Variants in MAD2L2 observed in about 807,000 individuals in gnomAD.
MAD2L2 encodes mitotic arrest deficient 2 like 2.
In MAD2L2, 17 loss-of-function variants were observed where a neutral mutation model predicts 30.5. The observed-to-expected ratio is 0.56, with a 90% confidence interval of 0.38 to 0.84. MAD2L2 has a LOEUF of 0.84. Among genes scored for constraint, MAD2L2 ranks in the 40% least tolerant of loss-of-function variants. The pLI is 0.00. For missense variants in MAD2L2, 213 were observed against 277.4 expected (o/e 0.77, Z 1.65); for synonymous variants, 101 against 113.9 (o/e 0.89, Z 0.72).
rs57223755 is a variant in MAD2L2, at chr1:11,690,929, AGTGTGT to A, written c.-692+478_-692+483del. Reference sequence around the variant, plus strand: ...CGTGGCGAGAGCCGCGCCGCGTGTGAGTGTGTGTGTGTGTGTGTTTGTGTGTGTGTG... The same window carrying A: ...CGTGGCGAGAGCCGCGCCGCGTGTGAGTGTGTGTGTGTTTGTGTGTGTGTG... On this transcript the variant is annotated intron_variant, in intron 1 of 10. Coordinates refer to the MAD2L2 transcript ENST00000235310. The surrounding 1 kb of genome is among the most constrained non-coding windows in gnomAD (Gnocchi z 4.2). Among the ~76,000 whole-genome samples, 2 of 150,550 alleles carry A rather than the reference AGTGTGT, an allele frequency of 1.3e-5. No individual in the cohort carries two copies. Among genetic ancestry groups the A allele is most frequent in the Non-Finnish European group, 3.0e-5 (2 of 67,554 alleles).
At chr1:11,684,174 GGGGGCA>G (rs1557681516), upstream of MAD2L2, among the ~76,000 whole-genome samples, 1 of 152,092 alleles carries the variant, frequency 6.6e-6, no homozygotes, top group Non-Finnish European at 1.5e-5. Context: ...CCATGGGGGC[GGGGGCA>G]GGGGCAGGGG....
chr1:11,680,662 C>T (rs1640858448), intron 1 of MAD2L2, 49 bp from the exon 2 acceptor site: 1 of 1,508,500 alleles, frequency 6.6e-7, no homozygotes, highest in Non-Finnish European at 8.9e-7. Context: ...CCCAGGAGCC[C>T]AGAACCCGCT....
chr1:11,676,681 G>A (rs1262478018), intron 5 of MAD2L2, 167 bp downstream of exon 5: 2 of 651,538 alleles, frequency 3.1e-6, no homozygotes, highest in Non-Finnish European at 5.5e-6. Flanking sequence ...CATCTCTCTG[G>A]ACCCATCTCA....
At chr1:11,675,559 G>A (rs1292295264) in intron 7 of MAD2L2, 99 bp downstream of exon 7, 18 of 1,175,324 alleles carry the variant, frequency 1.5e-5, no homozygotes, top group Non-Finnish European at 2.3e-5. Flanking sequence ...CCACACCAAT[G>A]TAATGGGTGG....
At chr1:11,686,515 T>C (rs1208714395) in intron 1 of MAD2L2, among the ~76,000 whole-genome samples, 1 of 152,170 alleles carries the variant, frequency 6.6e-6, no homozygotes, top group East Asian at 1.9e-4. Flanking sequence ...GAGTTCCTGC[T>C]TCAGCCTCCC....
rs577087791 is a variant in MAD2L2 at position 11,688,776 on chromosome 1, A to G, written c.-692+2637T>C. Reference sequence around the variant, plus strand: ...TGCTGGGCCATATTCCCAGATGGCTAAGGCATTCTAAGTCACAGTATGAGA... The same window carrying G: ...TGCTGGGCCATATTCCCAGATGGCTGAGGCATTCTAAGTCACAGTATGAGA... On this transcript the variant is annotated intron_variant, in intron 1 of 10. Transcript: ENST00000235310. The surrounding 1 kb of genome is among the most constrained non-coding windows in gnomAD (Gnocchi z 4.6). Among the ~76,000 whole-genome samples the G allele has an allele frequency of 6.6e-6, 1 of 152,258 alleles. No homozygotes were observed. Among genetic ancestry groups the G allele is most frequent in the African/African-American group, 2.4e-5 (1 of 41,538 alleles).
chr1:11,678,225 G>A (rs886968458), intron 3 of MAD2L2, among the ~76,000 whole-genome samples: 3 of 152,012 alleles, frequency 2.0e-5, no homozygotes, highest in Non-Finnish European at 2.9e-5. Context: ...GACCAGCCTG[G>A]CCAAAATGGC....
Position 11,677,602 on chromosome 1 carries a change from G to A in MAD2L2, c.172C>T (p.Pro58Ser). ...TCCTGGATATACTGATTCAGCTCCG[G>A]GTGGCAGGACATCTGCACACAATAC... is the stretch of plus-strand genomic sequence containing the variant. ...YNVPVQMSCH[P>S]ELNQYIQDTL... is the part of the protein sequence containing the mutation. The change falls in exon 4 of 9, where the codon CCG (proline) becomes TCG (serine). Residue 58 changes from proline (P) to serine (S), a missense_variant. By Grantham distance (74) the Pro-to-Ser change is moderately conservative. Coordinates refer to ENST00000376692, the MANE Select transcript of MAD2L2 (RefSeq NM_006341.4). The A allele has an allele frequency of 6.2e-7, 1 of 1,613,152 alleles. No homozygotes were observed. The highest frequency in any genetic ancestry group is 1.1e-5 in the South Asian group (1 of 91,066).
chr1:11,680,943 T>TG (rs1640865871), intron 1 of MAD2L2, 96 bp downstream of exon 1: 1 of 301,306 alleles, frequency 3.3e-6, no homozygotes, highest in South Asian at 1.2e-4. Context: ...AAGCGGGACA[T>TG]GCGGAAAGCG....
At position 11,689,488 on chromosome 1, in the gene MAD2L2, C is replaced by T. The variant is rs180918459; in HGVS notation, c.-692+1925G>A. Reference sequence around the variant, plus strand: ...GTGTGCACCTGTAATCCCAGCTACTCGGGAGGCTGAGGCAGGAGAATTGCT... The same window carrying T: ...GTGTGCACCTGTAATCCCAGCTACTTGGGAGGCTGAGGCAGGAGAATTGCT... On this transcript the variant is annotated intron_variant, in intron 1 of 10. Transcript: ENST00000235310. 4.2e-3 allele frequency among the ~76,000 whole-genome samples: 636 copies of T among 151,570 alleles called. 5 individuals are homozygous for T. The highest frequency in any genetic ancestry group is 0.014 in the African/African-American group (578 of 41,294).
upstream of MAD2L2, chr1:11,681,891 G>C (rs1451825673): frequency 2.0e-5 from 3 of 152,176 alleles, no homozygotes; most frequent in Non-Finnish European, 4.4e-5. Context: ...ACCTGCCCGA[G>C]TCTCCCAGCT....
chr1:11,687,909 C>T lies in MAD2L2; in HGVS notation c.-692+3504G>A, dbSNP rs914672711. 1.3e-5 allele frequency among the ~76,000 whole-genome samples: 2 copies of T among 152,192 alleles called. No individual in the cohort carries two copies. Among genetic ancestry groups the T allele is most frequent in the African/African-American group, 2.4e-5 (1 of 41,442 alleles). ...GCCTGCTTTGGCCCCTCAAGTACCT[C>T]ATTTTACAGACAAGGAAACTGAGGC... is the stretch of plus-strand genomic sequence containing the variant. On this transcript the variant is annotated intron_variant, in intron 1 of 10. Transcript: ENST00000235310. This position sits in a 1 kb window ranked among gnomAD's most constrained non-coding sequence, Gnocchi z 4.1.
chr1:11,677,313 C>A lies in MAD2L2; in HGVS notation c.231+230G>T, dbSNP rs28924109. 1.1e-3 allele frequency: 633 copies of A among 598,840 alleles called. 1 individual carries two copies. In the African/African-American group the frequency reaches 0.011, roughly 10 times the overall value. 37.1% of individuals were successfully genotyped at this position (598,840 alleles called of 1,614,324 possible). ...TGGGGCAGCCCCTACTTAGAGCCAG[C>A]TCCAACCCGGGCTCCCAGGCCCAAG... On this transcript the variant is annotated intron_variant, in intron 4 of 8. Transcript: ENST00000376692.
At chr1:11,679,985 GTTTTTTTTTTT>G (rs70983583) in intron 3 of MAD2L2, among the ~76,000 whole-genome samples, 13 of 87,624 alleles carry the variant, frequency 1.5e-4, no homozygotes, top group East Asian at 8.4e-4. Flanking sequence ...AGTGGAAGAG[GTTTTTTTTTTT>G]TTTTTTTTTT....
Position 11,674,880 on chromosome 1 carries a change from C to G in MAD2L2, c.595-64G>C. 6.3e-7 allele frequency: 1 copy of G among 1,581,368 alleles called. No homozygotes were observed. The highest frequency in any genetic ancestry group is 8.7e-7 in the Non-Finnish European group (1 of 1,151,236). On this transcript the variant is annotated intron_variant, in intron 8 of 8. Coordinates refer to ENST00000376692, the MANE Select transcript of MAD2L2 (RefSeq NM_006341.4). This position sits in a 1 kb window ranked among gnomAD's most constrained non-coding sequence, Gnocchi z 6.1. ...GCCAGGGCATCCCTGCTGGAGGACA[C>G]AGAAGCCCCTGGTGGGCAGACCTCC...
In MAD2L2 at chr1:11,676,142, TG is replaced by T. The variant is rs1640764578; in HGVS notation, c.333-3del. On this transcript the variant is annotated splice_region_variant and splice_polypyrimidine_tract_variant and intron_variant, in intron 5 of 8. Transcript: ENST00000376692. ...ACATGAGACAACAGCGAGTCTGAGCTGGGAGTGAGAGGAGGTCTTCCCATCA... is the reference window on the plus strand; with the variant it reads ...ACATGAGACAACAGCGAGTCTGAGCTGGAGTGAGAGGAGGTCTTCCCATCA... The T allele has an allele frequency of 6.3e-7, 1 of 1,588,872 alleles. No individual in the cohort carries two copies. Among genetic ancestry groups the T allele is most frequent in the Non-Finnish European group, 8.6e-7 (1 of 1,164,676 alleles).
upstream of MAD2L2, chr1:11,681,520 GC>G (rs1187502380): frequency 6.6e-6 from 1 of 152,332 alleles, no homozygotes; most frequent in African/African-American, 2.4e-5. Context: ...CCCTGCAGCT[GC>G]CCACGCAAAA....
At chr1:11,686,395 T>G (rs1285690007) in intron 1 of MAD2L2, among the ~76,000 whole-genome samples, 1 of 152,170 alleles carries the variant, frequency 6.6e-6, no homozygotes, top group Non-Finnish European at 1.5e-5. Context: ...TGATTCCCAG[T>G]GTTGCTGACC....
At chr1:11,681,717 C>A (rs1359702471), upstream of MAD2L2, 1 of 152,404 alleles carries the variant, frequency 6.6e-6, no homozygotes, top group Non-Finnish European at 1.5e-5. Context: ...CCCCGCCCTA[C>A]GCTTCATAAC....
Sources: allele counts gnomAD v4.1 joint callset (sites outside exome capture counted in the v4.1 genomes callset), GRCh38; gene constraint gnomAD v4.1.1; non-coding constraint Gnocchi (gnomAD v3.1); transcripts MANE v1.5; gene names NCBI Gene and HGNC (gene_info 2026-07-23, HGNC 2026-07-21).